PAPPA: variants seen among roughly 807,000 people sequenced by gnomAD.
PAPPA encodes the protein pappalysin 1.
A neutral mutation model predicts 164.0 loss-of-function variants in PAPPA; 60 were observed. The ratio of observed to expected loss-of-function variants is 0.37; its 90% confidence interval spans 0.30 to 0.45. The LOEUF (loss-of-function observed/expected upper bound fraction) is 0.45. Among genes scored for constraint, PAPPA ranks in the 20% least tolerant of loss-of-function variants. The pLI is 1.00. For missense variants in PAPPA, 1,782 were observed against 2,087.3 expected (o/e 0.85, Z 2.85); for synonymous variants, 875 against 814.1 (o/e 1.07, Z -1.27).
At chr9:116,219,053 T>C (rs1425921796) in intron 4 of PAPPA, among the ~76,000 whole-genome samples, 1 of 152,198 alleles carries the variant, frequency 6.6e-6, no homozygotes, top group Non-Finnish European at 1.5e-5. Flanking sequence ...GCTCTCTGCC[T>C]AAGGCACCAT....
At chr9:116,289,204 AT>A (rs1845391928) in intron 9 of PAPPA, among the ~76,000 whole-genome samples, 6 of 19,000 alleles carry the variant, frequency 3.2e-4, no homozygotes, top group Admixed American at 9.0e-4. Flanking sequence ...TAGCATATAT[AT>A]ATAGCATATA....
At chr9:116,232,076 G>A (rs188848572) in intron 6 of PAPPA, among the ~76,000 whole-genome samples, 2 of 152,142 alleles carry the variant, frequency 1.3e-5, no homozygotes, top group Non-Finnish European at 2.9e-5. Context: ...TCTAAAAGGC[G>A]ACCCTGATGT....
chr9:116,370,752 AT>A (rs1046797644), intron 19 of PAPPA, among the ~76,000 whole-genome samples: 3 of 152,194 alleles, frequency 2.0e-5, no homozygotes, highest in African/African-American at 7.2e-5. Context: ...GAAGAGAAAG[AT>A]GACTGCTTAG....
intron 17 of PAPPA, among the ~76,000 whole-genome samples, chr9:116,362,086 T>A (rs1012519358): frequency 2.7e-5 from 4 of 147,018 alleles, no homozygotes; most frequent in African/African-American, 9.8e-5. Context: ...AAAAGAAATG[T>A]CTTGGAAAAA....
At chr9:116,359,461 T>C (rs1402416991) in intron 17 of PAPPA, among the ~76,000 whole-genome samples, 1 of 152,168 alleles carries the variant, frequency 6.6e-6, no homozygotes, top group Non-Finnish European at 1.5e-5. Flanking sequence ...GCATGAAGAA[T>C]TGTACAACTG....
At chr9:116,281,141 C>A (rs1294468817) in intron 9 of PAPPA, among the ~76,000 whole-genome samples, 1 of 152,146 alleles carries the variant, frequency 6.6e-6, no homozygotes, top group Non-Finnish European at 1.5e-5. Flanking sequence ...GTAGGGTGTG[C>A]ATAGGTCATA....
intron 8 of PAPPA, among the ~76,000 whole-genome samples, chr9:116,269,182 C>A (rs1372774308): frequency 1.3e-5 from 2 of 152,210 alleles, no homozygotes; most frequent in African/African-American, 2.4e-5. Flanking sequence ...TCCCACCCAA[C>A]AGCCATGTGA....
At chr9:116,332,025 GA>G (rs1845999320) in intron 11 of PAPPA, among the ~76,000 whole-genome samples, 1 of 152,018 alleles carries the variant, frequency 6.6e-6, no homozygotes, top group Non-Finnish European at 1.5e-5. Context: ...TGTACCTGTT[GA>G]TTTTTTTATT....
Position 116,271,020 on chromosome 9 carries a change from G to C in PAPPA, c.2862-305G>C, listed in dbSNP as rs1468006187. On this transcript the variant is annotated intron_variant, in intron 8 of 21. Coordinates refer to ENST00000328252, the MANE Select transcript of PAPPA (RefSeq NM_002581.5). This position sits in a 1 kb window ranked among gnomAD's most constrained non-coding sequence, Gnocchi z 4.2. ...ACTGTGGGAGCAAGACCATTTATTT[G>C]TTCATTAGTTCTTCCATGTCTTACT... Among the ~76,000 whole-genome samples, 1 of 152,092 alleles carries C rather than the reference G, an allele frequency of 6.6e-6. No individual in the cohort carries two copies. The highest frequency in any genetic ancestry group is 1.5e-5 in the Non-Finnish European group (1 of 68,032).
intron 15 of PAPPA, among the ~76,000 whole-genome samples, chr9:116,351,452 G>A (rs1031526339): frequency 6.6e-6 from 1 of 152,160 alleles, no homozygotes; most frequent in South Asian, 2.1e-4. Context: ...TTTCATAAAT[G>A]TTGTTTTATT....
At chr9:116,202,416 G>A (rs1293912501) in intron 2 of PAPPA, among the ~76,000 whole-genome samples, 5 of 152,086 alleles carry the variant, frequency 3.3e-5, no homozygotes, top group Admixed American at 6.5e-5. Flanking sequence ...AGAGAGCTTT[G>A]ATCTCCCTCC....
chr9:116,245,664 T>C (rs1490128843), intron 7 of PAPPA, among the ~76,000 whole-genome samples: 1 of 152,212 alleles, frequency 6.6e-6, no homozygotes, highest in African/African-American at 2.4e-5. Flanking sequence ...GAAACGTTAT[T>C]TCCTGAAATA....
intron 19 of PAPPA, among the ~76,000 whole-genome samples, chr9:116,374,694 G>T (rs1365098474): frequency 6.6e-6 from 1 of 152,190 alleles, no homozygotes; most frequent in African/African-American, 2.4e-5. Context: ...AACAGGGGAA[G>T]GCATGGGCAT....
chr9:116,302,952 T>A lies in PAPPA; in HGVS notation c.3147+2T>A. On this transcript the variant is annotated splice_donor_variant, in intron 10 of 21. Transcript: ENST00000328252. LOFTEE classifies it high-confidence loss of function. Reference sequence around the variant, plus strand: ...ATCGGACAGCCAGCAGCATCCCAGGTAAGATCCTAACCATGTGTGGCATTT... The same window carrying A: ...ATCGGACAGCCAGCAGCATCCCAGGAAAGATCCTAACCATGTGTGGCATTT... 6.2e-7 allele frequency: 1 copy of A among 1,612,736 alleles called. No individual in the cohort carries two copies. The highest frequency in any genetic ancestry group is 8.5e-7 in the Non-Finnish European group (1 of 1,179,536).
intron 9 of PAPPA, among the ~76,000 whole-genome samples, chr9:116,291,254 C>T (rs918204829): frequency 5.9e-5 from 9 of 152,036 alleles, no homozygotes; most frequent in African/African-American, 2.2e-4. Flanking sequence ...CCTTTCCTAT[C>T]CAGATATTCC....
chr9:116,246,842 C>A (rs1468560566), intron 7 of PAPPA, among the ~76,000 whole-genome samples: 1 of 152,038 alleles, frequency 6.6e-6, no homozygotes, highest in African/African-American at 2.4e-5. Flanking sequence ...TAGAAAGACC[C>A]CATCTTGACA....
At chr9:116,275,013 A>G (rs1027145559) in intron 9 of PAPPA, among the ~76,000 whole-genome samples, 1 of 152,212 alleles carries the variant, frequency 6.6e-6, no homozygotes, top group Non-Finnish European at 1.5e-5. Flanking sequence ...AGCTATGCAC[A>G]GCACCAGCTC....
At chr9:116,186,736 C>A (rs931758973) in intron 1 of PAPPA, among the ~76,000 whole-genome samples, 3 of 152,168 alleles carry the variant, frequency 2.0e-5, no homozygotes, top group African/African-American at 7.2e-5. Context: ...ACTTAAAATA[C>A]CCTCTTAATT....
chr9:116,208,167 A>G (rs1174171081), intron 3 of PAPPA, among the ~76,000 whole-genome samples: 3 of 152,244 alleles, frequency 2.0e-5, no homozygotes, highest in Non-Finnish European at 4.4e-5. Context: ...AAGTTTGTAC[A>G]AACCAATCAC....
Sources: allele counts gnomAD v4.1 joint callset (sites outside exome capture counted in the v4.1 genomes callset), GRCh38; gene constraint gnomAD v4.1.1; non-coding constraint Gnocchi (gnomAD v3.1); transcripts MANE v1.5; gene names NCBI Gene and HGNC (gene_info 2026-07-23, HGNC 2026-07-21).